The following TDRD3 variants were observed in gnomAD, a reference collection of about 807,000 sequenced individuals.
The protein encoded by TDRD3 is tudor domain containing 3, also known as tudor domain-containing protein 3.
A neutral mutation model predicts 86.7 loss-of-function variants in TDRD3; 45 were observed. The observed-to-expected ratio is 0.52, with a 90% confidence interval of 0.41 to 0.67. The LOEUF is 0.67. TDRD3 is among the 30% of genes least tolerant of loss of function. The pLI, the probability that TDRD3 is intolerant of heterozygous loss-of-function variation, is 0.00. For synonymous variants in TDRD3, 298 were observed against 301.7 expected, an observed-to-expected ratio of 0.99 and a Z score of 0.13; for missense variants, 814 against 889.0, an observed-to-expected ratio of 0.92 and a Z score of 1.07.
chr13:60,450,802 A>G (rs1244059158), intron 3 of TDRD3, among the ~76,000 whole-genome samples: 1 of 152,162 alleles, frequency 6.6e-6, no homozygotes, highest in African/African-American at 2.4e-5. Flanking sequence ...TGTACAATAA[A>G]GGGGCAGCTG....
intron 5 of TDRD3, among the ~76,000 whole-genome samples, chr13:60,471,190 C>T (rs1287480590): frequency 1.3e-5 from 2 of 152,098 alleles, no homozygotes; most frequent in Non-Finnish European, 2.9e-5. Context: ...AGCTTTTATG[C>T]TTAGGTCTTT....
intron 2 of TDRD3, among the ~76,000 whole-genome samples, chr13:60,440,399 C>A (rs1028313249): frequency 6.6e-6 from 1 of 151,420 alleles, no homozygotes; most frequent in African/African-American, 2.4e-5. Flanking sequence ...TGTAAGTAAA[C>A]AGGCTGGGCA....
intron 5 of TDRD3, among the ~76,000 whole-genome samples, chr13:60,472,857 TG>T (rs1214148484): frequency 6.6e-6 from 1 of 152,108 alleles, no homozygotes; most frequent in East Asian, 1.9e-4. Context: ...TTCCACGGAC[TG>T]GGGGAGGAGA....
At position 60,509,755 on chromosome 13, in the gene TDRD3, C is replaced by A; in HGVS notation, c.859-8C>A. Reference sequence around the variant, plus strand: ...CTATCAGCCAGCTTTTCTCTTTATTCCTTCCAGGTTGATGAGAAAGCTCTG... The same window carrying A: ...CTATCAGCCAGCTTTTCTCTTTATTACTTCCAGGTTGATGAGAAAGCTCTG... On this transcript the variant is annotated splice_region_variant and splice_polypyrimidine_tract_variant and intron_variant, in intron 8 of 13. Coordinates refer to ENST00000377881, the MANE Select transcript of TDRD3 (RefSeq NM_001146070.2). 6.2e-7 allele frequency: 1 copy of A among 1,613,406 alleles called. No homozygotes were observed. The highest frequency in any genetic ancestry group is 8.5e-7 in the Non-Finnish European group (1 of 1,179,466).
At chr13:60,539,585 A>T (rs1463619065) in intron 12 of TDRD3, among the ~76,000 whole-genome samples, 3 of 151,722 alleles carry the variant, frequency 2.0e-5, no homozygotes, top group African/African-American at 7.2e-5. Flanking sequence ...TATGATAATT[A>T]TATATATTTT....
intron 8 of TDRD3, among the ~76,000 whole-genome samples, chr13:60,500,414 G>A (rs907417754): frequency 3.3e-5 from 5 of 152,184 alleles, no homozygotes; most frequent in African/African-American, 1.2e-4. Context: ...GTCTGCACCA[G>A]TGGCCTCATG....
chr13:60,444,587 C>G (rs943404579), intron 2 of TDRD3, 96 bp from the exon 3 acceptor site: 1 of 735,810 alleles, frequency 1.4e-6, no homozygotes, highest in South Asian at 2.3e-5. Flanking sequence ...ATTTTTGTTT[C>G]ACAAACCATA....
chr13:60,437,231 A>G lies in TDRD3; in HGVS notation c.42-2457A>G, dbSNP rs1007841200. Among the ~76,000 whole-genome samples the G allele has an allele frequency of 4.0e-5, 6 of 149,920 alleles. No homozygotes were observed. In the East Asian group the frequency reaches 9.8e-4, roughly 24 times the overall value. On this transcript the variant is annotated intron_variant, in intron 1 of 13. Coordinates refer to ENST00000377881, the MANE Select transcript of TDRD3 (RefSeq NM_001146070.2). ...AACCTCTGCCTCCCGGGTTCAAGCA[A>G]TTATCCTGCCTCAGCCTCCCGAGTA...
chr13:60,567,344 T>TTTTTCTTTTC (rs141427579), intron 12 of TDRD3, among the ~76,000 whole-genome samples, 181 bp from the exon 13 acceptor site: 13,810 of 151,444 alleles, frequency 0.091, 734 homozygotes, highest in African/African-American at 0.14. Flanking sequence ...TATCCCTGCC[T>TTTTTCTTTTC]TTTTCTTTTC....
chr13:60,476,538 C>T (rs982866901), intron 5 of TDRD3, among the ~76,000 whole-genome samples: 3 of 151,868 alleles, frequency 2.0e-5, no homozygotes, highest in African/African-American at 7.3e-5. Context: ...GTGATATGGG[C>T]TCATTTTTGG....
At chr13:60,559,660 A>G (rs1051278453) in intron 12 of TDRD3, among the ~76,000 whole-genome samples, 13 of 152,148 alleles carry the variant, frequency 8.5e-5, no homozygotes, top group African/African-American at 3.1e-4. Context: ...ACACTACATG[A>G]TCTTACTTAT....
intron 10 of TDRD3, among the ~76,000 whole-genome samples, chr13:60,525,292 C>T (rs1372180280): frequency 1.4e-5 from 2 of 147,740 alleles, no homozygotes; most frequent in Non-Finnish European, 3.0e-5. Flanking sequence ...TCCCACTTCA[C>T]CCTCCCGAGT....
intron 6 of TDRD3, 79 bp downstream of exon 6, chr13:60,483,925 T>C: frequency 7.6e-7 from 1 of 1,309,646 alleles, no homozygotes; most frequent in Non-Finnish European, 1.1e-6. Context: ...TGTTTCATTA[T>C]GTGCTGAACT....
intron 9 of TDRD3, 93 bp from the exon 10 acceptor site, chr13:60,510,537 C>T: frequency 8.3e-7 from 1 of 1,208,152 alleles, no homozygotes; most frequent in Non-Finnish European, 1.1e-6. Flanking sequence ...AAATTAAAAT[C>T]CTTATTTAAA....
intron 12 of TDRD3, among the ~76,000 whole-genome samples, chr13:60,563,819 G>T (rs1230547522): frequency 1.3e-5 from 2 of 152,160 alleles, no homozygotes; most frequent in African/African-American, 4.8e-5. Context: ...TTATAACACG[G>T]CTCATTTATA....
chr13:60,539,383 A>G (rs989805299), intron 12 of TDRD3, among the ~76,000 whole-genome samples: 1 of 152,064 alleles, frequency 6.6e-6, no homozygotes, highest in African/African-American at 2.4e-5. Context: ...TAAACAAAAT[A>G]TGAGTAGAGA....
chr13:60,478,735 T>C (rs1345777649), intron 5 of TDRD3, among the ~76,000 whole-genome samples: 1 of 152,070 alleles, frequency 6.6e-6, no homozygotes, highest in African/African-American at 2.4e-5. Flanking sequence ...TCTGCTAGCT[T>C]CAGGGTTAGT....
At chr13:60,418,329 T>A (rs1052234897) in intron 1 of TDRD3, among the ~76,000 whole-genome samples, 1 of 152,150 alleles carries the variant, frequency 6.6e-6, no homozygotes. Flanking sequence ...TCATCTGTTA[T>A]AAGAAGTCTT....
intron 12 of TDRD3, among the ~76,000 whole-genome samples, chr13:60,549,346 C>A (rs886726141): frequency 1.7e-4 from 26 of 152,078 alleles, no homozygotes; most frequent in African/African-American, 6.0e-4. Flanking sequence ...AAGAACCTGC[C>A]ATTTGAAAAT....
Sources: gnomAD v4.1 joint callset for allele counts (sites outside exome capture counted in the v4.1 genomes callset) on GRCh38, gnomAD v4.1.1 for gene constraint, MANE v1.5 for transcripts, NCBI Gene and HGNC (gene_info 2026-07-23, HGNC 2026-07-21) for gene names.